The following PIK3C2G variants were observed in gnomAD, a reference collection of about 807,000 sequenced individuals.
PIK3C2G encodes the protein phosphatidylinositol-4-phosphate 3-kinase catalytic subunit type 2 gamma.
A neutral mutation model predicts 181.1 loss-of-function variants in PIK3C2G; 168 were observed. The observed-to-expected ratio is 0.93, with a 90% confidence interval of 0.82 to 1.05. PIK3C2G has a LOEUF of 1.05. Among genes scored for constraint, PIK3C2G ranks in the 50% least tolerant of loss-of-function variants. The pLI is 0.00. For missense variants in PIK3C2G, 1,869 were observed against 1,732.8 expected (o/e 1.08, Z -1.40); for synonymous variants, 573 against 592.2 (o/e 0.97, Z 0.47).
chr12:18,696,277 A>G, the PIK3C2G span: 17 of 1,305,356 alleles, frequency 1.3e-5, no homozygotes, highest in Non-Finnish European at 1.7e-5. Context: ...CTGAAAAAGA[A>G]TAATTAAAAC....
At chr12:18,266,823 C>G (rs1358569424) in intron 1 of PIK3C2G, among the ~76,000 whole-genome samples, 2 of 151,714 alleles carry the variant, frequency 1.3e-5, no homozygotes, top group South Asian at 2.1e-4. Flanking sequence ...CTCTCCCTCC[C>G]TCCCTTCTTC....
At chr12:18,475,755 T>G (rs1230353323) in intron 18 of PIK3C2G, among the ~76,000 whole-genome samples, 2 of 152,104 alleles carry the variant, frequency 1.3e-5, no homozygotes, top group Non-Finnish European at 2.9e-5. Flanking sequence ...AGTATATGCA[T>G]GTATATGTAT....
At chr12:18,528,667 C>T (rs944691999) in intron 24 of PIK3C2G, among the ~76,000 whole-genome samples, 4 of 152,128 alleles carry the variant, frequency 2.6e-5, no homozygotes, top group Admixed American at 1.3e-4. Flanking sequence ...TCTACTATCA[C>T]GAATTATTGA....
At chr12:18,720,814 G>A in the PIK3C2G span, among the ~76,000 whole-genome samples, 1 of 151,730 alleles carries the variant, frequency 6.6e-6, no homozygotes, top group African/African-American at 2.4e-5. Context: ...AAGTGCAGGG[G>A]AATAAACAAA....
chr12:18,405,397 G>GTGGTGT lies in PIK3C2G; in HGVS notation c.2315+5552_2315+5553insGTGTTG, dbSNP rs113689341. On this transcript the variant is annotated intron_variant, in intron 16 of 32. Transcript: ENST00000538779. ...GGAACTCTGGAGAACAGCAACATTT[G>GTGGTGT]TGTTGTTGTTGTTGTTGTTGTTGTT... 6.3e-3 allele frequency among the ~76,000 whole-genome samples: 881 copies of GTGGTGT among 139,876 alleles called. 7 individuals are homozygous for GTGGTGT. The highest frequency in any genetic ancestry group is 0.023 in the African/African-American group (794 of 34,606). The allele number at this position is 139,876 out of a possible 152,430, so 91.8% of individuals were successfully genotyped here. A position where few individuals can be genotyped will look rare whatever the true frequency, so the allele number is the denominator to read the frequency against.
chr12:18,318,847 C>A (rs1309990863), intron 6 of PIK3C2G, among the ~76,000 whole-genome samples: 1 of 150,202 alleles, frequency 6.7e-6, no homozygotes, highest in African/African-American at 2.4e-5. Context: ...CTAATCCCAG[C>A]ACTTTGGGAG....
Position 18,404,052 on chromosome 12 carries a change from G to A in PIK3C2G, c.2315+4205G>A, listed in dbSNP as rs191137909. 1.2e-3 allele frequency among the ~76,000 whole-genome samples: 185 copies of A among 152,072 alleles called. 9 individuals carry two copies. Among genetic ancestry groups the A allele is most frequent in the Non-Finnish European group, 5.4e-4 (37 of 68,012 alleles). On this transcript the variant is annotated intron_variant, in intron 16 of 32. Coordinates refer to ENST00000538779, the MANE Select transcript of PIK3C2G (RefSeq NM_001288772.2). ...ATGAGAACTTGCCATCCCACATGAT[G>A]TAAAATTATTGTTTTGCAAGAAGAA...
In PIK3C2G at chr12:18,623,280, A is replaced by C. The variant is rs563540095; in HGVS notation, c.4182+13651A>C. ...TGCATATGAATACCCAATTTTTCCA[A>C]CACCATTAATTATAGAGGCTGTCCT... On this transcript the variant is annotated intron_variant, in intron 31 of 32. Coordinates refer to ENST00000538779, the MANE Select transcript of PIK3C2G (RefSeq NM_001288772.2). Among the ~76,000 whole-genome samples, 12 of 151,858 alleles carry C rather than the reference A, an allele frequency of 7.9e-5. No homozygotes were observed. The South Asian group carries it at 1.5e-3, about 18-fold the overall frequency.
rs574388577 is a variant in PIK3C2G, at chr12:18,528,056, C to T, written c.3324-10100C>T. ...GAGATCTCACAGGGTGTTAAATGTTCTTTCTATAATAGTACATGCACTCTC... is the reference window on the plus strand; with the variant it reads ...GAGATCTCACAGGGTGTTAAATGTTTTTTCTATAATAGTACATGCACTCTC... On this transcript the variant is annotated intron_variant, in intron 24 of 32. Transcript: ENST00000538779. Among the ~76,000 whole-genome samples, 181 of 152,188 alleles carry T rather than the reference C, an allele frequency of 1.2e-3. 1 individual carries two copies. The highest frequency in any genetic ancestry group is 4.2e-3 in the African/African-American group (175 of 41,544).
At chr12:18,699,287 T>C in the PIK3C2G span, among the ~76,000 whole-genome samples, 1 of 152,134 alleles carries the variant, frequency 6.6e-6, no homozygotes, top group Admixed American at 6.6e-5. Flanking sequence ...GCCTATTAAA[T>C]CCACAAAGTT....
chr12:18,459,681 C>A (rs185856615), intron 18 of PIK3C2G, among the ~76,000 whole-genome samples: 127 of 152,310 alleles, frequency 8.3e-4, no homozygotes, highest in African/African-American at 2.9e-3. Context: ...TGAATGGACA[C>A]TTTAATGAAA....
At chr12:18,714,610 C>A in the PIK3C2G span, 1 of 152,120 alleles carries the variant, frequency 6.6e-6, no homozygotes, top group Non-Finnish European at 1.5e-5. Context: ...CCTTGTCATA[C>A]ATAGAGATAT....
intron 18 of PIK3C2G, among the ~76,000 whole-genome samples, chr12:18,426,597 G>A (rs1945829459): frequency 6.6e-6 from 1 of 152,094 alleles, no homozygotes. Flanking sequence ...TTAGATCTAT[G>A]TTTTACTCTC....
At chr12:18,681,084 C>T in the PIK3C2G span, among the ~76,000 whole-genome samples, 3 of 152,114 alleles carry the variant, frequency 2.0e-5, no homozygotes, top group African/African-American at 7.2e-5. Flanking sequence ...CGTCATGGTA[C>T]AGAGTGGCTG....
chr12:18,483,294 T>C (rs1409716578), intron 18 of PIK3C2G, among the ~76,000 whole-genome samples: 1 of 152,192 alleles, frequency 6.6e-6, no homozygotes, highest in Admixed American at 6.5e-5. Flanking sequence ...TTTGCCCTGT[T>C]GCACTTAGTA....
chr12:18,538,994 A>G lies in PIK3C2G; in HGVS notation c.3480+682A>G, dbSNP rs181936098. ...GAGGGATATAGTGATTCCTCTAGGC[A>G]CATACGTACACACTAGTGATTGCAG... On this transcript the variant is annotated intron_variant, in intron 25 of 32. Coordinates refer to ENST00000538779, the MANE Select transcript of PIK3C2G (RefSeq NM_001288772.2). Among the ~76,000 whole-genome samples the G allele has an allele frequency of 2.8e-3, 428 of 152,118 alleles. 1 individual carries two copies. Among genetic ancestry groups the G allele is most frequent in the Middle Eastern group, 0.014 (4 of 292 alleles).
rs926051442 is a variant in PIK3C2G, at chr12:18,315,671, G to C, written c.1137+1607G>C. Among the ~76,000 whole-genome samples the C allele has an allele frequency of 5.3e-5, 8 of 151,984 alleles. No homozygotes were observed. The East Asian group carries it at 1.5e-3, about 29-fold the overall frequency. Reference sequence around the variant, plus strand: ...ATAAGGTAAACACTATTAAAAATAAGGAAACGGAATCACAGGGAGGTATCA... The same window carrying C: ...ATAAGGTAAACACTATTAAAAATAACGAAACGGAATCACAGGGAGGTATCA... On this transcript the variant is annotated intron_variant, in intron 6 of 32. Coordinates refer to ENST00000538779, the MANE Select transcript of PIK3C2G (RefSeq NM_001288772.2).
intron 5 of PIK3C2G, among the ~76,000 whole-genome samples, chr12:18,299,012 AG>A (rs765399358): frequency 1.8e-4 from 28 of 151,882 alleles, no homozygotes; most frequent in Non-Finnish European, 3.4e-4. Context: ...TTTTTGCTCA[AG>A]ATTGCATTCA....
At chr12:18,720,369 G>A in the PIK3C2G span, among the ~76,000 whole-genome samples, 1 of 151,452 alleles carries the variant, frequency 6.6e-6, no homozygotes. Context: ...ATTTCTGTAT[G>A]GTGCATGCCT....
Sources: gnomAD v4.1 joint callset for allele counts (sites outside exome capture counted in the v4.1 genomes callset) on GRCh38, gnomAD v4.1.1 for gene constraint, MANE v1.5 for transcripts, NCBI Gene and HGNC (gene_info 2026-07-23, HGNC 2026-07-21) for gene names.